Variants in PCK2 observed in about 807,000 individuals in gnomAD.
PCK2 encodes phosphoenolpyruvate carboxykinase 2, mitochondrial.
In PCK2, 56 loss-of-function variants were observed where a neutral mutation model predicts 65.9. The ratio of observed to expected loss-of-function variants is 0.85; its 90% CI spans 0.69 to 1.06. The LOEUF (loss-of-function observed/expected upper bound fraction) is 1.06, where lower values mean the gene tolerates loss of function less well. Among genes scored for constraint, PCK2 ranks in the 50% least tolerant of loss-of-function variants. PCK2 has a pLI of 0.00. For synonymous variants in PCK2, 305 were observed against 319.6 expected (o/e 0.95, Z 0.49); for missense variants, 843 against 863.1 (o/e 0.98, Z 0.29).
chr14:24,099,163 G>A lies in PCK2; in HGVS notation c.779G>A (p.Gly260Asp), dbSNP rs777209747. Residue 260 changes from glycine to aspartate, a missense_variant, in exon 5 of 10, where the codon GGC (glycine) becomes GAC (aspartate). Gly to Asp is a moderately conservative substitution (Grantham distance 94, BLOSUM62 -1). Coordinates refer to ENST00000216780, the MANE Select transcript of PCK2 (RefSeq NM_004563.4). ...GGCTATGGTGGCAACTCCCTGCTGG[G>A]CAAGAAGTGCTTTGCCCTACGCATC... ...GSGYGGNSLL[G>D]KKCFALRIAS... is the part of the protein sequence containing the mutation. The A allele has an allele frequency of 9.9e-6, 16 of 1,610,408 alleles. No homozygotes were observed. The highest frequency in any genetic ancestry group is 1.4e-5 in the Non-Finnish European group (16 of 1,179,776).
At chr14:24,103,301 A>ACGT in intron 9 of PCK2, 46 bp downstream of exon 9, 1 of 1,466,048 alleles carries the variant, frequency 6.8e-7, no homozygotes, top group African/African-American at 1.4e-5. Flanking sequence ...TGCACACAGC[A>ACGT]CGTCCTCTCT....
chr14:24,102,645 A>G, intron 7 of PCK2, 108 bp from the exon 8 acceptor site: 2 of 921,594 alleles, frequency 2.2e-6, no homozygotes, highest in Non-Finnish European at 3.3e-6. Flanking sequence ...TAGGCAGCTG[A>G]TGAGGCAAAA....
chr14:24,102,325 A>G (rs2037194580), intron 7 of PCK2, among the ~76,000 whole-genome samples: 1 of 152,258 alleles, frequency 6.6e-6, no homozygotes, highest in Non-Finnish European at 1.5e-5. Context: ...TGTCTGAAGT[A>G]CTAAGCTGAC....
intron 6 of PCK2, 30 bp from the exon 7 acceptor site, chr14:24,099,965 G>T: frequency 6.2e-7 from 1 of 1,614,116 alleles, no homozygotes; most frequent in East Asian, 2.2e-5. Context: ...TCCTTGTTTG[G>T]TCCTTCCTTT....
At chr14:24,098,155 AG>A in intron 2 of PCK2, 47 bp from the exon 3 acceptor site, 1 of 1,535,152 alleles carries the variant, frequency 6.5e-7, no homozygotes, top group Non-Finnish European at 8.8e-7. Context: ...TCTAGGGACA[AG>A]GGAAACCTGC....
upstream of PCK2, chr14:24,094,243 CA>C (rs2036745008): frequency 6.1e-6 from 4 of 660,332 alleles, no homozygotes; most frequent in Non-Finnish European, 1.0e-5. This position sits in a 1 kb window ranked among gnomAD's most constrained non-coding sequence, Gnocchi z 4.1. Flanking sequence ...AAGCTAGTGC[CA>C]GCCCTACCAG....
chr14:24,103,393 A>G, intron 9 of PCK2, 117 bp from the exon 10 acceptor site: 2 of 1,165,136 alleles, frequency 1.7e-6, no homozygotes, highest in Non-Finnish European at 2.5e-6. Flanking sequence ...TCTTTTCCCC[A>G]TCCCTGAAGA....
Position 24,104,030 on chromosome 14 carries a change from G to A in PCK2, c.*66G>A, listed in dbSNP as rs914865367. ...CTGGGAATAGGGAAGGCACCTTGCA[G>A]AAAATATGAGCAATTTGATATTAAC... On this transcript the variant is annotated 3_prime_UTR_variant, in exon 10 of 10. Coordinates refer to ENST00000216780, the MANE Select transcript of PCK2 (RefSeq NM_004563.4). 4.5e-6 allele frequency: 5 copies of A among 1,103,736 alleles called. No individual in the cohort carries two copies. Among genetic ancestry groups the A allele is most frequent in the Non-Finnish European group, 6.8e-6 (5 of 732,810 alleles). 68.4% of individuals were successfully genotyped at this position (1,103,736 alleles called of 1,614,324 possible).
rs751777996 is a variant in PCK2, at chr14:24,098,680, T to C, written c.664+2T>C. On this transcript the variant is annotated splice_donor_variant, in intron 4 of 9. Transcript: ENST00000216780. LOFTEE classifies it high-confidence loss of function. ...TGGGCCAGCCCCTGACAGGACAAGG[T>C]AAGCACCTGCTCTGCCCCAAGGGGA... 6.2e-7 allele frequency: 1 copy of C among 1,612,652 alleles called. No homozygotes were observed. Among genetic ancestry groups the C allele is most frequent in the Non-Finnish European group, 8.5e-7 (1 of 1,179,228 alleles).
rs374957509 is a variant in PCK2 at position 24,097,063 on chromosome 14, G to A, written c.201G>A (p.Glu67=). 18 of 1,613,760 alleles carry A rather than the reference G, an allele frequency of 1.1e-5. No homozygotes were observed. In the East Asian group the frequency reaches 3.6e-4, roughly 32 times the overall value. Residue 67 remains glutamate, a synonymous_variant, in exon 2 of 10, where the codon GAG becomes GAA. Transcript: ENST00000216780. ...GCATCCACATCTGTGATGGAACTGA[G>A]GCTGAGAATACTGCCACACTGACCC... The part of the protein sequence containing the change: ...PEGIHICDGT[E]AENTATLTLL...
chr14:24,099,926 G>A (rs1391143602), intron 6 of PCK2, 69 bp from the exon 7 acceptor site: 1 of 1,613,612 alleles, frequency 6.2e-7, no homozygotes, highest in Non-Finnish European at 8.5e-7. Flanking sequence ...GGTGGAGCAG[G>A]ACCTTCTTTG....
In PCK2 at chr14:24,099,099, C is replaced by CACGT; in HGVS notation, c.716_719dup (p.Pro241ArgfsTer37). On this transcript the variant is annotated frameshift_variant, in exon 5 of 10. Transcript: ENST00000216780. LOFTEE classifies it high-confidence loss of function. Reference sequence around the variant, plus strand: ...CAACCCAGAGAAAACCCTGATTGGCCACGTGCCCGACCAGCGGGAGATCAT... The same window carrying CACGT: ...CAACCCAGAGAAAACCCTGATTGGCCACGTACGTGCCCGACCAGCGGGAGATCAT... 1 of 1,611,906 alleles carries CACGT rather than the reference C, an allele frequency of 6.2e-7. No homozygotes were observed. Among genetic ancestry groups the CACGT allele is most frequent in the Non-Finnish European group, 8.5e-7 (1 of 1,178,824 alleles).
At chr14:24,102,537 C>T (rs1693173674) in intron 7 of PCK2, 1 of 531,010 alleles carries the variant, frequency 1.9e-6, no homozygotes, top group African/African-American at 1.9e-5. Flanking sequence ...CCACTCTTTT[C>T]TCACATAGCT....
Position 24,094,587 on chromosome 14 carries a change from C to T in PCK2, c.29+153C>T, listed in dbSNP as rs1265970571. On this transcript the variant is annotated intron_variant, in intron 1 of 9. Transcript: ENST00000216780. The surrounding 1 kb of genome is among the most constrained non-coding windows in gnomAD (Gnocchi z 4.1). The stretch of plus-strand genomic sequence containing the variant: ...CGACTGCTGTGGGTCCAGCCTCCCG[C>T]GCCGCGCGTCTCTTGGGAGGGCAGC... 2 of 1,451,276 alleles carry T rather than the reference C, an allele frequency of 1.4e-6. No homozygotes were observed. The highest frequency in any genetic ancestry group is 1.8e-6 in the Non-Finnish European group (2 of 1,105,382). 89.9% of individuals were successfully genotyped at this position (1,451,276 alleles called of 1,614,324 possible). A position where few individuals can be genotyped will look rare whatever the true frequency, so the allele number is the denominator to read the frequency against.
intron 1 of PCK2, chr14:24,095,475 G>A: frequency 3.0e-6 from 1 of 327,984 alleles, no homozygotes; most frequent in Non-Finnish European, 6.1e-6. Flanking sequence ...ACAGACTCAA[G>A]CTCCCGTATC....
intron 1 of PCK2, among the ~76,000 whole-genome samples, chr14:24,096,500 G>A (rs1240728904): frequency 6.6e-6 from 1 of 152,098 alleles, no homozygotes; most frequent in African/African-American, 2.4e-5. Flanking sequence ...CTCCCAAAGT[G>A]CTGGGATTAC....
rs533781164 is a variant in PCK2 at position 24,103,664 on chromosome 14, G to A, written c.1623G>A (p.Gly541=). ...ACTGGTTCCGGCGTGACGAGGCAGG[G>A]CACTTCCTGTGGCCAGGCTTTGGGG... The part of the protein sequence containing the change: ...HVNWFRRDEA[G]HFLWPGFGEN... The change falls in exon 10 of 10, where the codon GGG becomes GGA. Residue 541 remains glycine, a synonymous_variant. Coordinates refer to ENST00000216780, the MANE Select transcript of PCK2 (RefSeq NM_004563.4). 10 of 1,614,206 alleles carry A rather than the reference G, an allele frequency of 6.2e-6. No homozygotes were observed. In the South Asian group the frequency reaches 1.1e-4, roughly 18 times the overall value.
chr14:24,099,387 C>A, intron 5 of PCK2, 151 bp downstream of exon 5: 1 of 1,004,732 alleles, frequency 1.0e-6, no homozygotes, highest in South Asian at 1.6e-5. Flanking sequence ...CCTCAGGCTG[C>A]TGAATGTTGA....
In PCK2 at chr14:24,104,061, T is replaced by C. The variant is rs1369352737; in HGVS notation, c.*97T>C. 8 of 781,072 alleles carry C rather than the reference T, an allele frequency of 1.0e-5. No homozygotes were observed. Among genetic ancestry groups the C allele is most frequent in the Non-Finnish European group, 1.7e-5 (8 of 461,432 alleles). 48.4% of individuals were successfully genotyped at this position (781,072 alleles called of 1,614,324 possible). A position where few individuals can be genotyped will look rare whatever the true frequency, so the allele number is the denominator to read the frequency against. The stretch of plus-strand genomic sequence containing the variant: ...ATGAGCAATTTGATATTAACTAACA[T>C]CTTCAATGTGCCATAGACCTTCCCA... On this transcript the variant is annotated 3_prime_UTR_variant, in exon 10 of 10. Coordinates refer to ENST00000216780, the MANE Select transcript of PCK2 (RefSeq NM_004563.4).
Sources: gnomAD v4.1 joint callset for allele counts (sites outside exome capture counted in the v4.1 genomes callset) on GRCh38, gnomAD v4.1.1 for gene constraint, Gnocchi (gnomAD v3.1) non-coding constraint, MANE v1.5 for transcripts, NCBI Gene and HGNC (gene_info 2026-07-23, HGNC 2026-07-21) for gene names.